Variants in SSBP2 observed in about 807,000 individuals in gnomAD.
The protein encoded by SSBP2 is single-stranded DNA-binding protein 2.
SSBP2 carries 17 observed loss-of-function variants against 61.8 expected under a neutral mutation model. The observed-to-expected ratio is 0.28, with a 90% confidence interval of 0.19 to 0.41. The LOEUF (loss-of-function observed/expected upper bound fraction) is 0.41, where lower values mean the gene tolerates loss of function less well. SSBP2 is among the 10% of genes least tolerant of loss of function. The pLI, the probability that SSBP2 is intolerant of heterozygous loss-of-function variation, is 1.00. For synonymous variants in SSBP2, 139 were observed against 141.3 expected, an observed-to-expected ratio of 0.98 and a Z score of 0.12; for missense variants, 310 against 458.7, an observed-to-expected ratio of 0.68 and a Z score of 2.96.
intron 4 of SSBP2, among the ~76,000 whole-genome samples, chr5:81,530,499 C>T (rs953461270): frequency 4.6e-5 from 7 of 151,940 alleles, no homozygotes; most frequent in African/African-American, 1.7e-4. Flanking sequence ...GTTACACAAC[C>T]CCATTTGTTT....
At chr5:81,608,711 A>G (rs961717250) in intron 4 of SSBP2, among the ~76,000 whole-genome samples, 1 of 152,198 alleles carries the variant, frequency 6.6e-6, no homozygotes, top group Admixed American at 6.5e-5. Flanking sequence ...AATGAATAAA[A>G]GATTTTTTTA....
chr5:81,593,636 G>T (rs987517553), intron 4 of SSBP2, among the ~76,000 whole-genome samples: 5 of 152,148 alleles, frequency 3.3e-5, no homozygotes, highest in Admixed American at 1.3e-4. Context: ...GACTAATAGC[G>T]GATCTCTCGG....
At chr5:81,554,822 T>A (rs931299181) in intron 4 of SSBP2, among the ~76,000 whole-genome samples, 2 of 152,120 alleles carry the variant, frequency 1.3e-5, no homozygotes, top group Non-Finnish European at 2.9e-5. Context: ...CCATTCATGA[T>A]GATAATTTAA....
intron 4 of SSBP2, among the ~76,000 whole-genome samples, chr5:81,514,515 T>A (rs1303652224): frequency 1.3e-5 from 2 of 152,038 alleles, no homozygotes; most frequent in African/African-American, 4.8e-5. Flanking sequence ...TGTTCTACAA[T>A]CATAGATTTC....
At chr5:81,525,460 T>G (rs989261253) in intron 4 of SSBP2, among the ~76,000 whole-genome samples, 3 of 152,026 alleles carry the variant, frequency 2.0e-5, no homozygotes, top group African/African-American at 4.8e-5. Flanking sequence ...TGCATTAGTT[T>G]GCTAAGGATA....
chr5:81,531,671 A>C (rs997230101), intron 4 of SSBP2, among the ~76,000 whole-genome samples: 3 of 152,264 alleles, frequency 2.0e-5, no homozygotes, highest in Admixed American at 6.5e-5. Flanking sequence ...TAGACCAATC[A>C]TTTTAAAATG....
At chr5:81,423,648 G>A (rs903191067) in intron 16 of SSBP2, among the ~76,000 whole-genome samples, 3 of 152,114 alleles carry the variant, frequency 2.0e-5, no homozygotes, top group Non-Finnish European at 2.9e-5. Context: ...AGGAGGCTGA[G>A]GCAGGAGAAT....
chr5:81,560,706 T>A (rs999088677), intron 4 of SSBP2, among the ~76,000 whole-genome samples: 5 of 152,194 alleles, frequency 3.3e-5, no homozygotes, highest in Admixed American at 3.3e-4. Flanking sequence ...GTCTAAGTAG[T>A]TTTCCTTAAG....
At chr5:81,466,417 G>T (rs900702883) in intron 9 of SSBP2, among the ~76,000 whole-genome samples, 1 of 151,882 alleles carries the variant, frequency 6.6e-6, no homozygotes, top group South Asian at 2.1e-4. Flanking sequence ...TTCATCCTAC[G>T]CTACGGAAAG....
chr5:81,751,753 CG>C (rs1365778851), upstream of SSBP2: 2 of 152,294 alleles, frequency 1.3e-5, no homozygotes, highest in African/African-American at 4.8e-5. Context: ...GGGACACCCG[CG>C]CGGTTCCCTC....
chr5:81,472,635 T>C (rs748870017), intron 8 of SSBP2, among the ~76,000 whole-genome samples: 6 of 152,192 alleles, frequency 3.9e-5, no homozygotes, highest in Non-Finnish European at 7.4e-5. Flanking sequence ...TTTTTGCTAT[T>C]GTTCCCCAGG....
chr5:81,635,830 C>T (rs571126565), intron 3 of SSBP2, among the ~76,000 whole-genome samples: 24 of 152,196 alleles, frequency 1.6e-4, no homozygotes, highest in Admixed American at 6.5e-5. Context: ...GTGATCCACC[C>T]GCCTCGGCCT....
At chr5:81,467,671 T>C (rs556928026) in intron 8 of SSBP2, among the ~76,000 whole-genome samples, 1 of 152,154 alleles carries the variant, frequency 6.6e-6, no homozygotes, top group African/African-American at 2.4e-5. Context: ...TGTTTTAACA[T>C]GTACATGTTA....
At chr5:81,613,312 G>T (rs1233200909) in intron 4 of SSBP2, among the ~76,000 whole-genome samples, 1 of 152,028 alleles carries the variant, frequency 6.6e-6, no homozygotes, top group Non-Finnish European at 1.5e-5. Context: ...TACACAGTAA[G>T]GGGTTGTTCC....
At chr5:81,650,921 C>T (rs1363900285) in intron 1 of SSBP2, among the ~76,000 whole-genome samples, 1 of 152,048 alleles carries the variant, frequency 6.6e-6, no homozygotes, top group African/African-American at 2.4e-5. Context: ...ATTATGTAAA[C>T]TTTAAAGATA....
rs150203235 is a variant in SSBP2 at position 81,601,726 on chromosome 5, C to T, written c.282+13747G>A. Among the ~76,000 whole-genome samples, 12 of 152,276 alleles carry T rather than the reference C, an allele frequency of 7.9e-5. No individual in the cohort carries two copies. In the East Asian group the frequency reaches 2.3e-3, roughly 29 times the overall value. ...ATATACTCACCCCCGTCCCCATAAT[C>T]ACCAAAGCATCTTCCTAATTACAGC... On this transcript the variant is annotated intron_variant, in intron 4 of 16. Coordinates refer to ENST00000320672, the MANE Select transcript of SSBP2 (RefSeq NM_012446.5).
At chr5:81,665,498 T>C (rs932093319) in intron 1 of SSBP2, among the ~76,000 whole-genome samples, 2 of 127,034 alleles carry the variant, frequency 1.6e-5, no homozygotes, top group South Asian at 4.4e-4. Context: ...TTCCAGAGTC[T>C]TTTCTTTTTA....
In SSBP2 at chr5:81,628,279, T is replaced by C. The variant is rs529850203; in HGVS notation, c.197+8278A>G. The stretch of plus-strand genomic sequence containing the variant: ...GGAAGCCCCTTACAAAACCACCAGA[T>C]TGTGTGAGAACTTACTATTTCTAGA... On this transcript the variant is annotated intron_variant, in intron 3 of 16. Transcript: ENST00000320672. Among the ~76,000 whole-genome samples, 3 of 152,230 alleles carry C rather than the reference T, an allele frequency of 2.0e-5. No homozygotes were observed. The South Asian group carries it at 6.2e-4, about 32-fold the overall frequency.
At chr5:81,466,916 T>TTA (rs1215035822) in intron 9 of SSBP2, 58 bp downstream of exon 9, 117 of 1,051,478 alleles carry the variant, frequency 1.1e-4, no homozygotes, top group Non-Finnish European at 1.1e-4. Flanking sequence ...ATGGTATTAT[T>TTA]TATATATATA....
Sources: allele counts gnomAD v4.1 joint callset (sites outside exome capture counted in the v4.1 genomes callset), GRCh38; gene constraint gnomAD v4.1.1; transcripts MANE v1.5; gene names NCBI Gene and HGNC (gene_info 2026-07-23, HGNC 2026-07-21).